The following SPATA6 variants were observed in gnomAD, a reference collection of about 807,000 sequenced individuals.
SPATA6 encodes spermatogenesis associated 6.
A neutral mutation model predicts 65.3 loss-of-function variants in SPATA6; 56 were observed. The ratio of observed to expected loss-of-function variants is 0.86; its 90% CI spans 0.69 to 1.07. The LOEUF is 1.07. Ranked by LOEUF, SPATA6 falls within the 50% of genes least tolerant of loss-of-function variation. The pLI, the probability that SPATA6 is intolerant of heterozygous loss-of-function variation, is 0.00. For missense variants in SPATA6, 590 were observed against 594.8 expected, an observed-to-expected ratio of 0.99 and a Z score of 0.08; for synonymous variants, 199 against 213.2, an observed-to-expected ratio of 0.93 and a Z score of 0.58.
chr1:48,269,306 A>G, the SPATA6 span, among the ~76,000 whole-genome samples: 1 of 152,184 alleles, frequency 6.6e-6, no homozygotes, highest in Non-Finnish European at 1.5e-5. Context: ...TAGGTACTCC[A>G]TGTACATTAG....
the SPATA6 span, among the ~76,000 whole-genome samples, chr1:48,266,352 G>C: frequency 1.3e-5 from 2 of 152,072 alleles, no homozygotes; most frequent in African/African-American, 4.8e-5. Flanking sequence ...ACATTTGAAT[G>C]TAAGTCCTAG....
intron 11 of SPATA6, among the ~76,000 whole-genome samples, chr1:48,333,280 C>T (rs536453818): frequency 6.6e-6 from 1 of 152,354 alleles, no homozygotes; most frequent in East Asian, 1.9e-4. Context: ...TGTCCTCAAA[C>T]ATCAGACTCG....
chr1:48,329,604 C>T (rs1224459622), intron 11 of SPATA6, among the ~76,000 whole-genome samples: 1 of 152,142 alleles, frequency 6.6e-6, no homozygotes, highest in African/African-American at 2.4e-5. Context: ...GCCAATATGG[C>T]AGACTAGAAG....
chr1:48,280,891 T>A, the SPATA6 span, among the ~76,000 whole-genome samples: 1 of 152,074 alleles, frequency 6.6e-6, no homozygotes, highest in Admixed American at 6.5e-5. Flanking sequence ...AAAAGAGAAT[T>A]TTAGACCAAT....
At chr1:48,364,764 T>C (rs915656688) in intron 9 of SPATA6, among the ~76,000 whole-genome samples, 1 of 152,218 alleles carries the variant, frequency 6.6e-6, no homozygotes, top group African/African-American at 2.4e-5. Flanking sequence ...TTCACTCTGA[T>C]GGTAGTTTCT....
chr1:48,293,917 G>A (rs1644784276), downstream of SPATA6, among the ~76,000 whole-genome samples: 1 of 152,146 alleles, frequency 6.6e-6, no homozygotes, highest in Non-Finnish European at 1.5e-5. Flanking sequence ...TTGCGAATGG[G>A]TGAACAGTCA....
intron 2 of SPATA6, among the ~76,000 whole-genome samples, chr1:48,452,111 C>T (rs1217142337): frequency 1.3e-5 from 2 of 152,040 alleles, no homozygotes; most frequent in Non-Finnish European, 2.9e-5. Context: ...TGTCTGTTTC[C>T]CCCATTACAA....
At chr1:48,303,160 T>C (rs1455348798) in intron 12 of SPATA6, among the ~76,000 whole-genome samples, 1 of 152,098 alleles carries the variant, frequency 6.6e-6, no homozygotes, top group African/African-American at 2.4e-5. Context: ...TACATAATAA[T>C]TGTACATATT....
intron 11 of SPATA6, among the ~76,000 whole-genome samples, chr1:48,319,934 G>A (rs1645552516): frequency 6.6e-6 from 1 of 152,118 alleles, no homozygotes; most frequent in African/African-American, 2.4e-5. Context: ...TATGCACTGT[G>A]CAACTTCCCA....
intron 3 of SPATA6, among the ~76,000 whole-genome samples, chr1:48,421,376 G>A (rs1332549924): frequency 6.6e-6 from 1 of 151,516 alleles, no homozygotes; most frequent in Non-Finnish European, 1.5e-5. Context: ...AAGCTTCAAT[G>A]TAACCAACAC....
At chr1:48,406,046 A>C (rs1192534092) in intron 5 of SPATA6, among the ~76,000 whole-genome samples, 1 of 152,044 alleles carries the variant, frequency 6.6e-6, no homozygotes, top group Non-Finnish European at 1.5e-5. Flanking sequence ...TCTCACAATC[A>C]GAAGACATAT....
At chr1:48,364,382 C>A (rs373644939) in intron 9 of SPATA6, among the ~76,000 whole-genome samples, 1 of 152,236 alleles carries the variant, frequency 6.6e-6, no homozygotes, top group East Asian at 1.9e-4. Flanking sequence ...GCCACACTGA[C>A]TTCCACAATG....
the SPATA6 span, among the ~76,000 whole-genome samples, chr1:48,261,531 T>G: frequency 3.3e-5 from 5 of 152,116 alleles, no homozygotes; most frequent in African/African-American, 4.8e-5. Flanking sequence ...TTAGATTCTA[T>G]GTAAACATCA....
chr1:48,326,521 CAA>C (rs1330859768), intron 11 of SPATA6, among the ~76,000 whole-genome samples: 9 of 80,094 alleles, frequency 1.1e-4, no homozygotes, highest in East Asian at 3.8e-4. Context: ...TCATATGAAA[CAA>C]AAAAAAAAAA....
chr1:48,450,766 G>T lies in SPATA6; in HGVS notation c.238+786C>A, dbSNP rs571014272. ...TCTTCCCTCTAATACTCAGATTCTT[G>T]CATGTTCCAGGCTACATGTTTCTAC... On this transcript the variant is annotated intron_variant, in intron 3 of 12. Coordinates refer to ENST00000371847, the MANE Select transcript of SPATA6 (RefSeq NM_019073.4). Among the ~76,000 whole-genome samples the T allele has an allele frequency of 5.3e-5, 8 of 152,264 alleles. No homozygotes were observed. In the South Asian group the frequency reaches 1.7e-3, roughly 32 times the overall value.
Position 48,298,597 on chromosome 1 carries a change from A to G in SPATA6, c.*116T>C. 3 of 945,150 alleles carry G rather than the reference A, an allele frequency of 3.2e-6. No homozygotes were observed. Among genetic ancestry groups the G allele is most frequent in the South Asian group, 2.1e-5 (1 of 47,782 alleles). The allele number at this position is 945,150 out of a possible 1,614,324, so 58.5% of individuals were successfully genotyped here. A position where few individuals can be genotyped will look rare whatever the true frequency, so the allele number is the denominator to read the frequency against. ...GTAATGAACTTATTCAAGTATAACT[A>G]TTGTACTTAGTTATAATCCCATTTT... On this transcript the variant is annotated 3_prime_UTR_variant, in exon 13 of 13. Coordinates refer to ENST00000371847, the MANE Select transcript of SPATA6 (RefSeq NM_019073.4).
intron 1 of SPATA6, among the ~76,000 whole-genome samples, chr1:48,462,049 A>G (rs370694804): frequency 6.6e-6 from 1 of 152,202 alleles, no homozygotes; most frequent in South Asian, 2.1e-4. Flanking sequence ...TTGTAGGGAC[A>G]TGGATGAAAT....
chr1:48,458,140 G>GT lies in SPATA6; in HGVS notation c.52-5010dup, dbSNP rs558887745. Among the ~76,000 whole-genome samples the GT allele has an allele frequency of 7.0e-3, 1,044 of 149,048 alleles. 11 individuals carry two copies. Among genetic ancestry groups the GT allele is most frequent in the African/African-American group, 0.022 (903 of 40,364 alleles). ...AACTACAGCTTAAAAAAAAGAAAAT[G>GT]TAAGTGGCACACTAAAAAATAATTA... On this transcript the variant is annotated intron_variant, in intron 1 of 12. Transcript: ENST00000371847.
rs1304999324 is a variant in SPATA6, at chr1:48,297,501, T to G, written c.*1212A>C. The G allele has an allele frequency of 6.6e-6, 1 of 152,186 alleles. No individual in the cohort carries two copies. The highest frequency in any genetic ancestry group is 2.4e-5 in the African/African-American group (1 of 41,438). 9.4% of individuals were successfully genotyped at this position (152,186 alleles called of 1,614,324 possible). On this transcript the variant is annotated 3_prime_UTR_variant, in exon 13 of 13. Transcript: ENST00000371847. ...AAAAATAAGTCAGCAAGTTTCACAT[T>G]TTAATTTCATTTTAAAGGAAGTTCA...
Sources: allele counts gnomAD v4.1 joint callset (sites outside exome capture counted in the v4.1 genomes callset), GRCh38; gene constraint gnomAD v4.1.1; transcripts MANE v1.5; gene names NCBI Gene and HGNC (gene_info 2026-07-23, HGNC 2026-07-21).